Variants in SPMIP5 observed in about 807,000 individuals in gnomAD.
SPMIP5 encodes sperm-associated microtubule inner protein 5.
the SPMIP5 span, among the ~76,000 whole-genome samples, chr10:116,663,489 C>T: frequency 6.6e-6 from 1 of 152,184 alleles, no homozygotes; most frequent in African/African-American, 2.4e-5. Flanking sequence ...CTCCTGGGGA[C>T]TGGGATTCTG....
chr10:116,665,639 C>A, the SPMIP5 span: 2 of 1,614,018 alleles, frequency 1.2e-6, no homozygotes, highest in South Asian at 2.2e-5. Context: ...GCAGATTGTA[C>A]TGGTGCAGGG....
the SPMIP5 span, chr10:116,665,252 C>A: frequency 1.9e-6 from 1 of 538,418 alleles, no homozygotes; most frequent in African/African-American, 2.0e-5. Context: ...CAAAAATTAG[C>A]CAGGCATGGT....
chr10:116,668,162 T>C, the SPMIP5 span: 2 of 1,229,302 alleles, frequency 1.6e-6, no homozygotes, highest in South Asian at 2.4e-5. Context: ...CTGGTCCAGT[T>C]GGCTGCACAG....
chr10:116,663,943 A>G, the SPMIP5 span: 1 of 1,537,614 alleles, frequency 6.5e-7, no homozygotes. Context: ...CAGTGGCTCT[A>G]GATACATCTT....
chr10:116,663,866 G>A, the SPMIP5 span: 5 of 1,486,556 alleles, frequency 3.4e-6, no homozygotes, highest in South Asian at 6.5e-5. Flanking sequence ...GGTTTTGGAA[G>A]CCCCACTTAA....
At chr10:116,662,284 AACC>A in the SPMIP5 span, among the ~76,000 whole-genome samples, 2 of 152,212 alleles carry the variant, frequency 1.3e-5, no homozygotes, top group African/African-American at 4.8e-5. Context: ...TCACTGTAAT[AACC>A]ACCATGATTA....
At chr10:116,663,736 G>T in the SPMIP5 span, 1 of 683,290 alleles carries the variant, frequency 1.5e-6, no homozygotes, top group South Asian at 2.6e-5. Flanking sequence ...GACAAAAAAC[G>T]GTCTTTATCA....
the SPMIP5 span, among the ~76,000 whole-genome samples, chr10:116,668,871 T>C: frequency 6.7e-6 from 1 of 149,942 alleles, no homozygotes; most frequent in African/African-American, 2.5e-5. Flanking sequence ...AAGTGGGGGA[T>C]GGGATGCTAC....
chr10:116,668,972 A>ACACACACACACACACACACACAC, the SPMIP5 span, among the ~76,000 whole-genome samples: 1 of 58,944 alleles, frequency 1.7e-5, no homozygotes, highest in African/African-American at 6.7e-5. Flanking sequence ...CACACACACA[A>ACACACACACACACACACACACAC]ACAAGGGAGA....
At chr10:116,665,951 G>A in the SPMIP5 span, 2,102 of 817,124 alleles carry the variant, frequency 2.6e-3, 6 homozygotes, top group African/African-American at 0.014. Flanking sequence ...ACAGCACTAC[G>A]TTTTTCCAAA....
the SPMIP5 span, chr10:116,665,935 C>T: frequency 1.1e-6 from 1 of 897,562 alleles, no homozygotes; most frequent in Non-Finnish European, 1.7e-6. Context: ...ATTTCTTCCT[C>T]AGCCAACAGC....
the SPMIP5 span, chr10:116,665,240 T>G: frequency 3.3e-6 from 2 of 614,604 alleles, no homozygotes; most frequent in Non-Finnish European, 4.6e-6. Context: ...CTACTAAAAA[T>G]ACAAAAATTA....
the SPMIP5 span, chr10:116,665,600 G>A: frequency 1.9e-5 from 30 of 1,607,914 alleles, no homozygotes; most frequent in African/African-American, 2.7e-5. Flanking sequence ...GTTTCAGGGC[G>A]CTGCTACCCA....
chr10:116,664,694 C>A, the SPMIP5 span: 2 of 1,571,304 alleles, frequency 1.3e-6, no homozygotes, highest in Non-Finnish European at 1.7e-6. Flanking sequence ...TCTGGTAAAC[C>A]CCCATCCTGG....
the SPMIP5 span, among the ~76,000 whole-genome samples, chr10:116,668,974 C>CACACACACACACACACACA: frequency 6.7e-6 from 1 of 149,970 alleles, no homozygotes; most frequent in African/African-American, 2.5e-5. Flanking sequence ...CACACACAAA[C>CACACACACACACACACACA]AAGGGAGAAG....
chr10:116,668,933 G>GCACGCACACA, the SPMIP5 span, among the ~76,000 whole-genome samples: 1 of 135,282 alleles, frequency 7.4e-6, no homozygotes, highest in East Asian at 2.3e-4. Context: ...GCACACACAT[G>GCACGCACACA]CACACACACA....
At chr10:116,665,764 T>C in the SPMIP5 span, 4 of 1,614,192 alleles carry the variant, frequency 2.5e-6, no homozygotes, top group Non-Finnish European at 3.4e-6. Context: ...TGGAAGGTTT[T>C]CACACAGTGG....
the SPMIP5 span, chr10:116,665,075 AACCAGGACTGT>A: frequency 6.8e-7 from 1 of 1,460,754 alleles, no homozygotes; most frequent in East Asian, 2.4e-5. Context: ...CCTCTTCCCT[AACCAGGACTGT>A]GCCCCCTCCC....
chr10:116,669,489 G>T, the SPMIP5 span, among the ~76,000 whole-genome samples: 1 of 152,142 alleles, frequency 6.6e-6, no homozygotes, highest in African/African-American at 2.4e-5. Flanking sequence ...TTCCACGCTT[G>T]TTTAATCCTC....
Sources: gnomAD v4.1 joint callset for allele counts (sites outside exome capture counted in the v4.1 genomes callset) on GRCh38, gnomAD v4.1.1 for gene constraint, MANE v1.5 for transcripts, NCBI Gene and HGNC (gene_info 2026-07-23, HGNC 2026-07-21) for gene names.